RBFOX3: variants seen among roughly 807,000 people sequenced by gnomAD.
RBFOX3 encodes the protein RNA binding fox-1 homolog 3, also known as RNA binding protein fox-1 homolog 3.
In RBFOX3, 17 loss-of-function variants were observed where a neutral mutation model predicts 48.7. The ratio of observed to expected loss-of-function variants is 0.35; its 90% confidence interval spans 0.24 to 0.52. The LOEUF is 0.52. RBFOX3 is among the 20% of genes least tolerant of loss of function. The probability of loss-of-function intolerance (pLI) is 0.94; values close to 1 mark genes in which losing one functional copy is unlikely to be tolerated. For synonymous variants in RBFOX3, 212 were observed against 209.5 expected (o/e 1.01, Z -0.10); for missense variants, 382 against 497.5 (o/e 0.77, Z 2.21).
At chr17:79,645,969 G>A in the RBFOX3 span, among the ~76,000 whole-genome samples, 1 of 152,110 alleles carries the variant, frequency 6.6e-6, no homozygotes, top group Non-Finnish European at 1.5e-5. Context: ...CGCAAAAACT[G>A]TTTCCTCTCT....
chr17:79,475,788 G>A (rs1330760652), intron 2 of RBFOX3, among the ~76,000 whole-genome samples: 2 of 152,320 alleles, frequency 1.3e-5, no homozygotes, highest in African/African-American at 4.8e-5. Flanking sequence ...GACTGACAGT[G>A]CATCTATAAG....
intron 4 of RBFOX3, among the ~76,000 whole-genome samples, chr17:79,158,413 C>T (rs543145973): frequency 1.3e-5 from 2 of 152,328 alleles, no homozygotes; most frequent in East Asian, 1.9e-4. Context: ...TGTGGTGAGC[C>T]GGTTAAGATG....
the RBFOX3 span, among the ~76,000 whole-genome samples, chr17:79,638,084 A>T: frequency 6.6e-6 from 1 of 152,186 alleles, no homozygotes; most frequent in African/African-American, 2.4e-5. Flanking sequence ...GGGATATAGC[A>T]AAAGCAGTTC....
intron 1 of RBFOX3, among the ~76,000 whole-genome samples, chr17:79,573,929 G>A (rs1465297251): frequency 9.9e-5 from 15 of 152,180 alleles, no homozygotes; most frequent in African/African-American, 2.7e-4. Flanking sequence ...ACTAAACTGC[G>A]GAGGTGGGAA....
At chr17:79,438,727 G>C (rs1456155618) in intron 2 of RBFOX3, among the ~76,000 whole-genome samples, 1 of 152,228 alleles carries the variant, frequency 6.6e-6, no homozygotes, top group Non-Finnish European at 1.5e-5. Flanking sequence ...ATCAGTTCCC[G>C]AGGGCACTCA....
chr17:79,577,475 T>C (rs887269093), intron 1 of RBFOX3, among the ~76,000 whole-genome samples: 13 of 152,254 alleles, frequency 8.5e-5, no homozygotes, highest in Non-Finnish European at 1.3e-4. Flanking sequence ...CTAAGCTTGA[T>C]TGTTTAAACA....
rs2082120119 is a variant in RBFOX3, at chr17:79,499,686, C to T, written c.-319-17088G>A. Among the ~76,000 whole-genome samples the T allele has an allele frequency of 4.6e-5, 7 of 152,300 alleles. No homozygotes were observed. The South Asian group carries it at 1.5e-3, about 32-fold the overall frequency. The stretch of plus-strand genomic sequence containing the variant: ...ACCTTTCTCAACTTCAGTTTAATCA[C>T]CTATAAAATGGGGCAATAATAACTT... On this transcript the variant is annotated intron_variant, in intron 1 of 14. Coordinates refer to ENST00000693108, the MANE Select transcript of RBFOX3 (RefSeq NM_001350451.2).
At chr17:79,263,150 T>A (rs1231061375) in intron 3 of RBFOX3, among the ~76,000 whole-genome samples, 1 of 152,078 alleles carries the variant, frequency 6.6e-6, no homozygotes. Context: ...CTGACCCAAG[T>A]GGATGCTGGG....
intron 1 of RBFOX3, among the ~76,000 whole-genome samples, chr17:79,574,200 C>T (rs942557646): frequency 6.6e-6 from 1 of 152,186 alleles, no homozygotes; most frequent in African/African-American, 2.4e-5. Context: ...AATATGTCAG[C>T]GGCGTTTGAA....
rs375110558 is a variant in RBFOX3 at position 79,228,233 on chromosome 17, G to A, written c.-34+7533C>T. ...TCCGTGGGCTCTCCGTGTTCCCTCCGGCCTGTGCCTTGGCAAAGCTGTCCG... is the reference window on the plus strand; with the variant it reads ...TCCGTGGGCTCTCCGTGTTCCCTCCAGCCTGTGCCTTGGCAAAGCTGTCCG... On this transcript the variant is annotated intron_variant, in intron 4 of 14. Coordinates refer to ENST00000693108, the MANE Select transcript of RBFOX3 (RefSeq NM_001350451.2). Among the ~76,000 whole-genome samples the A allele has an allele frequency of 3.7e-4, 57 of 152,234 alleles. No individual in the cohort carries two copies. The South Asian group carries it at 0.01, about 27-fold the overall frequency.
intron 2 of RBFOX3, among the ~76,000 whole-genome samples, chr17:79,383,031 A>AACACACACACACACACACACAC (rs60851419): frequency 3.1e-4 from 44 of 141,402 alleles, no homozygotes; most frequent in Middle Eastern, 3.7e-3. Context: ...CTGCCTCTCA[A>AACACACACACACACACACACAC]ACACACACAC....
At chr17:79,121,361 C>G (rs2035696436) in intron 4 of RBFOX3, among the ~76,000 whole-genome samples, 1 of 152,156 alleles carries the variant, frequency 6.6e-6, no homozygotes, top group Admixed American at 6.5e-5. Context: ...AAAGAAAACC[C>G]TCCTTGACAC....
rs2076914708 is a variant in RBFOX3, at chr17:79,103,946, C to G, written c.414+127G>C. On this transcript the variant is annotated intron_variant, in intron 7 of 14. Transcript: ENST00000693108. The surrounding 1 kb of genome is among the most constrained non-coding windows in gnomAD (Gnocchi z 6.1). ...GGTGGGGGCGGAAGAGCGGGGAATA[C>G]AAGCACCCGTGTCGCTCAGGGGTCC... 1.3e-6 allele frequency: 1 copy of G among 759,632 alleles called. No individual in the cohort carries two copies. Among genetic ancestry groups the G allele is most frequent in the Non-Finnish European group, 2.2e-6 (1 of 445,202 alleles). The allele number at this position is 759,632 out of a possible 1,614,324, so 47.1% of individuals were successfully genotyped here.
rs1183202567 is a variant in RBFOX3 at position 79,421,890 on chromosome 17, C to A, written c.-175+60564G>T. ...GCTCATGGGTTCCAGGAACCCACGC[C>A]CCACCCCAAGCTGCCCGGTCCTCAG... On this transcript the variant is annotated intron_variant, in intron 2 of 14. Transcript: ENST00000693108. This position sits in a 1 kb window ranked among gnomAD's most constrained non-coding sequence, Gnocchi z 4.5. Among the ~76,000 whole-genome samples, 1 of 152,084 alleles carries A rather than the reference C, an allele frequency of 6.6e-6. No homozygotes were observed. Among genetic ancestry groups the A allele is most frequent in the Admixed American group, 6.5e-5 (1 of 15,282 alleles).
In RBFOX3 at chr17:79,364,990, C is replaced by T. The variant is rs1388721272; in HGVS notation, c.-174-57166G>A. ...AAGGCTCAGAAAGGCAGCATCCAAG[C>T]AAAGGGCAGGATGCTCCCTGGGCCA... On this transcript the variant is annotated intron_variant, in intron 2 of 14. Coordinates refer to ENST00000693108, the MANE Select transcript of RBFOX3 (RefSeq NM_001350451.2). This position sits in a 1 kb window ranked among gnomAD's most constrained non-coding sequence, Gnocchi z 5.1. Among the ~76,000 whole-genome samples, 1 of 152,120 alleles carries T rather than the reference C, an allele frequency of 6.6e-6. No homozygotes were observed. The highest frequency in any genetic ancestry group is 1.5e-5 in the Non-Finnish European group (1 of 68,020).
At chr17:79,156,878 G>A (rs561927490) in intron 4 of RBFOX3, among the ~76,000 whole-genome samples, 72 of 152,314 alleles carry the variant, frequency 4.7e-4, no homozygotes, top group African/African-American at 1.6e-3. Context: ...GGGAGGAAAC[G>A]GCATGCTGGC....
intron 1 of RBFOX3, among the ~76,000 whole-genome samples, chr17:79,574,132 G>A (rs2092779096): frequency 6.6e-6 from 1 of 152,318 alleles, no homozygotes; most frequent in East Asian, 1.9e-4. Context: ...TACAGAAGGT[G>A]GATCTTCATC....
intron 8 of RBFOX3, 57 bp from the exon 9 acceptor site, chr17:79,101,701 C>T: frequency 6.9e-7 from 1 of 1,448,216 alleles, no homozygotes; most frequent in Admixed American, 2.0e-5. Context: ...CTGGAAGACC[C>T]ACTGGCCACT....
chr17:79,433,529 T>C (rs74000093), intron 2 of RBFOX3, among the ~76,000 whole-genome samples: 2,475 of 152,324 alleles, frequency 0.016, 74 homozygotes, highest in African/African-American at 0.057. Flanking sequence ...CCGAATGTAC[T>C]TATGCAGCTG....
Sources: gnomAD v4.1 joint callset for allele counts (sites outside exome capture counted in the v4.1 genomes callset) on GRCh38, gnomAD v4.1.1 for gene constraint, Gnocchi (gnomAD v3.1) non-coding constraint, MANE v1.5 for transcripts, NCBI Gene and HGNC (gene_info 2026-07-23, HGNC 2026-07-21) for gene names.